CDHR2: variants seen among roughly 807,000 people sequenced by gnomAD.
The protein encoded by CDHR2 is cadherin related family member 2.
CDHR2 carries 104 observed loss-of-function variants against 138.6 expected under a neutral mutation model. The observed-to-expected ratio is 0.75, with a 90% CI of 0.64 to 0.88. The LOEUF (loss-of-function observed/expected upper bound fraction) is 0.88. CDHR2 is among the 40% of genes least tolerant of loss of function. The pLI is 0.00. For missense variants in CDHR2, 1,624 were observed against 1,727.6 expected (o/e 0.94, Z 1.06); for synonymous variants, 755 against 742.8 (o/e 1.02, Z -0.27).
Position 176,589,083 on chromosome 5 carries a change from G to C in CDHR2, c.2909G>C (p.Arg970Pro), listed in dbSNP as rs370686915. 33 of 1,614,084 alleles carry C rather than the reference G, an allele frequency of 2.0e-5. No homozygotes were observed. The African/African-American group carries it at 2.3e-4, about 11-fold the overall frequency. ...GGCGTCATCCTGTTCTCCATCCTCC[G>C]AGTAGACTTCATCTCTAAGGACGGG... is the stretch of plus-strand genomic sequence containing the variant. Reference protein sequence around the residue: ...NNGVILFSILRVDFISKDGAT... With the variant: ...NNGVILFSILPVDFISKDGAT... The change falls in exon 22 of 32, where the codon CGA (arginine) becomes CCA (proline). Residue 970 changes from arginine (R) to proline (P), a missense_variant. By Grantham distance (103) the Arg-to-Pro change is moderately radical. Transcript: ENST00000261944.
At chr5:176,557,785 G>A (rs1000926875) in intron 1 of CDHR2, among the ~76,000 whole-genome samples, 2 of 150,934 alleles carry the variant, frequency 1.3e-5, no homozygotes, top group Admixed American at 1.3e-4. Context: ...TTGGCTCACT[G>A]CAACATCTGC....
chr5:176,584,917 G>A lies in CDHR2; in HGVS notation c.2636G>A (p.Ser879Asn), dbSNP rs114323866. The change falls in exon 19 of 32, where the codon AGC becomes AAC. Residue 879 changes from serine to asparagine, a missense_variant. Physicochemically the swap from Ser to Asn is conservative, Grantham distance 46. Coordinates refer to ENST00000261944, the MANE Select transcript of CDHR2 (RefSeq NM_017675.6). ...AACGGCTCTGTGTACATCAACCAGA[G>A]CAAAGCCATCGACTACGAGGCCTGT... ...AANGSVYINQ[S>N]KAIDYEACDL... 2 of 1,610,316 alleles carry A rather than the reference G, an allele frequency of 1.2e-6. No individual in the cohort carries two copies. The highest frequency in any genetic ancestry group is 4.5e-5 in the East Asian group (2 of 44,660).
At position 176,591,269 on chromosome 5, in the gene CDHR2, G is replaced by A. The variant is rs779894219; in HGVS notation, c.3599G>A (p.Gly1200Glu). Residue 1200 changes from glycine to glutamate, a missense_variant, in exon 29 of 32, where the codon GGG becomes GAG. Physicochemically the swap from Gly to Glu is moderately conservative, Grantham distance 98 (BLOSUM62 -2). Around this residue, in one of 3 missense-constraint regions of CDHR2, gnomAD observed 556 missense variants for 565.7 expected, o/e 0.98. Transcript: ENST00000261944. ...AAKEARKTAAGVMPSAPAIPG... is the reference protein window; with the variant it reads ...AAKEARKTAAEVMPSAPAIPG... ...AAGGAGGCCAGGAAGACAGCAGCAG[G>A]GGTGATGCCCTCAGCCCCTGCCATC... The A allele has an allele frequency of 2.5e-6, 4 of 1,614,090 alleles. No individual in the cohort carries two copies. The highest frequency in any genetic ancestry group is 3.4e-6 in the Non-Finnish European group (4 of 1,180,034).
rs534116136 is a variant in CDHR2 at position 176,559,553 on chromosome 5, GTTTCCTTTCCCTGT to G, written c.-15-5777_-15-5764del. 2.8e-3 allele frequency among the ~76,000 whole-genome samples: 431 copies of G among 152,220 alleles called. 2 individuals carry two copies. Among genetic ancestry groups the G allele is most frequent in the African/African-American group, 9.6e-3 (399 of 41,534 alleles). ...ATCTATTGTTTGTACTCATTTGATAGTTTCCTTTCCCTGTTTTCCTTCTCTGTTTCTCTTTCTGG... is the reference window on the plus strand; with the variant it reads ...ATCTATTGTTTGTACTCATTTGATAGTTTCCTTCTCTGTTTCTCTTTCTGG... On this transcript the variant is annotated intron_variant, in intron 1 of 31. Coordinates refer to ENST00000261944, the MANE Select transcript of CDHR2 (RefSeq NM_017675.6).
chr5:176,550,598 GAT>G (rs1757683920), intron 1 of CDHR2, among the ~76,000 whole-genome samples: 1 of 152,260 alleles, frequency 6.6e-6, no homozygotes, highest in Non-Finnish European at 1.5e-5. Flanking sequence ...GGAATAATAG[GAT>G]AGGATAATTC....
Position 176,584,771 on chromosome 5 carries a change from G to A in CDHR2, c.2490G>A (p.Val830=). The change falls in exon 19 of 32, where the codon GTG becomes GTA. Residue 830 remains valine (V), a synonymous_variant. Coordinates refer to ENST00000261944, the MANE Select transcript of CDHR2 (RefSeq NM_017675.6). ...ENGSQHGQVA[V]VVASDVDTSA... ...GCTCACAGCACGGCCAGGTGGCTGTGGTGGTTGCCTCGGATGTGGACACCA... is the reference window on the plus strand; with the variant it reads ...GCTCACAGCACGGCCAGGTGGCTGTAGTGGTTGCCTCGGATGTGGACACCA... 1 of 1,614,192 alleles carries A rather than the reference G, an allele frequency of 6.2e-7. No individual in the cohort carries two copies.
At chr5:176,572,706 T>A (rs1758266027) in intron 6 of CDHR2, among the ~76,000 whole-genome samples, 1 of 152,174 alleles carries the variant, frequency 6.6e-6, no homozygotes, top group African/African-American at 2.4e-5. Context: ...GAACTTCCGT[T>A]GCCATGTGCC....
At chr5:176,588,425 G>A (rs1417485243) in intron 21 of CDHR2, among the ~76,000 whole-genome samples, 1 of 118,842 alleles carries the variant, frequency 8.4e-6, no homozygotes, top group African/African-American at 3.4e-5. Flanking sequence ...GTGTGAGTGT[G>A]TGTGTCAGGA....
At chr5:176,565,539 G>C in intron 2 of CDHR2, 133 bp from the exon 3 acceptor site, 1 of 1,219,580 alleles carries the variant, frequency 8.2e-7, no homozygotes, top group Non-Finnish European at 1.2e-6. Context: ...AAGCTGGGGA[G>C]GCCTGGGGAG....
At chr5:176,569,291 T>TG (rs1187518373) in intron 5 of CDHR2, among the ~76,000 whole-genome samples, 2 of 150,620 alleles carry the variant, frequency 1.3e-5, no homozygotes, top group Non-Finnish European at 3.0e-5. Flanking sequence ...TTAAATGTTT[T>TG]TTTTTTTTTT....
At chr5:176,569,307 G>A (rs1220170390) in intron 5 of CDHR2, among the ~76,000 whole-genome samples, 13 of 138,390 alleles carry the variant, frequency 9.4e-5, no homozygotes, top group Admixed American at 8.6e-4. Flanking sequence ...TTTTTGAGAC[G>A]GAGTCTCGCT....
At chr5:176,568,044 G>A (rs1758123680) in intron 3 of CDHR2, among the ~76,000 whole-genome samples, 1 of 152,264 alleles carries the variant, frequency 6.6e-6, no homozygotes, top group African/African-American at 2.4e-5. Context: ...CCAGGGAAAC[G>A]CATCTTCATG....
At chr5:176,587,714 T>G (rs1385403215) in intron 21 of CDHR2, among the ~76,000 whole-genome samples, 2 of 152,098 alleles carry the variant, frequency 1.3e-5, no homozygotes, top group African/African-American at 4.8e-5. Flanking sequence ...CCCTATGCTT[T>G]GGAAAGGACA....
rs1274778490 is a variant in CDHR2 at position 176,595,730 on chromosome 5, C to T, written c.*58C>T. On this transcript the variant is annotated 3_prime_UTR_variant, in exon 32 of 32. Coordinates refer to ENST00000261944, the MANE Select transcript of CDHR2 (RefSeq NM_017675.6). Reference sequence around the variant, plus strand: ...AGGCCCTACCACACCCTAACTGCACCTGTCTCCCTGGAGATGAAAATATAT... The same window carrying T: ...AGGCCCTACCACACCCTAACTGCACTTGTCTCCCTGGAGATGAAAATATAT... 7.1e-6 allele frequency: 10 copies of T among 1,415,490 alleles called. No homozygotes were observed. Among genetic ancestry groups the T allele is most frequent in the Non-Finnish European group, 9.4e-6 (10 of 1,068,554 alleles). The allele number at this position is 1,415,490 out of a possible 1,614,324, so 87.7% of individuals were successfully genotyped here. A position where few individuals can be genotyped will look rare whatever the true frequency, so the allele number is the denominator to read the frequency against.
In CDHR2 at chr5:176,591,410, C is replaced by T. The variant is rs1300264929; in HGVS notation, c.3660C>T (p.Asn1220=). ...GTNMYNTERA[N]PMLNLPNKDL... The stretch of plus-strand genomic sequence containing the variant: ...GACCAGGCTTTCTCTCCAGAGCCAA[C>T]CCCATGCTGAACCTCCCCAACAAAG... Residue 1220 remains asparagine, a synonymous_variant, in exon 30 of 32, where the codon AAC becomes AAT. Transcript: ENST00000261944. 2.1e-5 allele frequency: 34 copies of T among 1,613,894 alleles called. No individual in the cohort carries two copies. The highest frequency in any genetic ancestry group is 1.2e-4 in the Admixed American group (7 of 60,016).
chr5:176,590,529 C>T (rs758484994), intron 27 of CDHR2, 34 bp from the exon 28 acceptor site: 34 of 1,613,834 alleles, frequency 2.1e-5, no homozygotes, highest in African/African-American at 1.3e-4. Context: ...CTGCTGAAGA[C>T]GAGTGTGCTT....
At position 176,571,206 on chromosome 5, in the gene CDHR2, C is replaced by A. The variant is rs761972078; in HGVS notation, c.316-7C>A. 1.2e-4 allele frequency: 196 copies of A among 1,607,478 alleles called. No individual in the cohort carries two copies. Among genetic ancestry groups the A allele is most frequent in the Non-Finnish European group, 1.6e-4 (193 of 1,174,920 alleles). On this transcript the variant is annotated splice_region_variant and splice_polypyrimidine_tract_variant and intron_variant, in intron 5 of 31. Transcript: ENST00000261944. ...TTCTGGGGTCCCCTGGGCTTTCTCA[C>A]TTGCAGGTGCAGAGGGAGATGCTGG... is the stretch of plus-strand genomic sequence containing the variant.
intron 1 of CDHR2, among the ~76,000 whole-genome samples, chr5:176,557,224 G>A (rs1038824059): frequency 1.7e-4 from 25 of 149,802 alleles, no homozygotes; most frequent in Middle Eastern, 3.5e-3. Flanking sequence ...TTTGTTTTTT[G>A]AGACAGGATC....
chr5:176,580,240 C>T (rs889259681), intron 16 of CDHR2, among the ~76,000 whole-genome samples: 8 of 152,122 alleles, frequency 5.3e-5, no homozygotes, highest in Non-Finnish European at 1.2e-4. Context: ...AAACATATAG[C>T]GCTGACGGCC....
Sources: gnomAD v4.1 joint callset for allele counts (sites outside exome capture counted in the v4.1 genomes callset) on GRCh38, gnomAD v4.1.1 for gene constraint, gnomAD v4.1.1 regional missense constraint, MANE v1.5 for transcripts, NCBI Gene and HGNC (gene_info 2026-07-23, HGNC 2026-07-21) for gene names.